Variants in PCDHGB2 observed in about 807,000 individuals in gnomAD.
PCDHGB2 encodes the protein protocadherin gamma subfamily B, 2, also known as protocadherin gamma-B2.
PCDHGB2 carries 55 observed loss-of-function variants against 59.3 expected under a neutral mutation model. That is an observed-to-expected ratio of 0.93 (90% CI 0.75 to 1.16). The LOEUF (loss-of-function observed/expected upper bound fraction) is 1.16. PCDHGB2 is among the 50% of genes most tolerant of loss of function. The pLI is 0.00. For missense variants in PCDHGB2, 1,228 were observed against 1,198.5 expected (o/e 1.02, Z -0.36); for synonymous variants, 516 against 512.0 (o/e 1.01, Z -0.11).
At chr5:141,480,514 C>A (rs1015316945) in intron 1 of PCDHGB2, among the ~76,000 whole-genome samples, 2 of 127,196 alleles carry the variant, frequency 1.6e-5, no homozygotes, top group African/African-American at 7.3e-5. Flanking sequence ...TGAGAACAAC[C>A]AAAAATGACA....
At chr5:141,505,259 C>T in intron 2 of PCDHGB2, 134 bp from the exon 3 acceptor site, 2 of 1,500,262 alleles carry the variant, frequency 1.3e-6, no homozygotes, top group Admixed American at 2.0e-5. Flanking sequence ...GTGCCTCCTA[C>T]CTTGCTGAGA....
In PCDHGB2 at chr5:141,408,237, G is replaced by C. The variant is rs1445060280; in HGVS notation, c.2421+45681G>C. 3.2e-6 allele frequency: 5 copies of C among 1,575,002 alleles called. No individual in the cohort carries two copies. In the South Asian group the frequency reaches 4.6e-5, roughly 14 times the overall value. On this transcript the variant is annotated intron_variant, in intron 1 of 3. Transcript: ENST00000522605. ...AGCTGCGCGCAGAGGCGCCGGGCCG[G>C]CCCGCGGCAGGTGCTATTTCCTTTG...
intron 1 of PCDHGB2, among the ~76,000 whole-genome samples, chr5:141,458,351 T>A (rs903399511): frequency 2.0e-5 from 3 of 152,010 alleles, no homozygotes; most frequent in African/African-American, 7.3e-5. Flanking sequence ...GAGAGTTTAA[T>A]AAGCAAGAAG....
Position 141,486,695 on chromosome 5 carries a change from A to T in PCDHGB2, c.2422-8112A>T. On this transcript the variant is annotated intron_variant, in intron 1 of 3. Coordinates refer to ENST00000522605, the MANE Select transcript of PCDHGB2 (RefSeq NM_018923.3). The surrounding 1 kb of genome is among the most constrained non-coding windows in gnomAD (Gnocchi z 5.0). ...TCGAGATGTATCAGCTTCCTCTTTC[A>T]TCTCTCTGAACCCCCAGACAGGAGC... The T allele has an allele frequency of 6.2e-7, 1 of 1,613,912 alleles. No homozygotes were observed. The highest frequency in any genetic ancestry group is 8.5e-7 in the Non-Finnish European group (1 of 1,179,980).
At position 141,485,833 on chromosome 5, in the gene PCDHGB2, G is replaced by A. The variant is rs780944737; in HGVS notation, c.2422-8974G>A. 64 of 1,613,904 alleles carry A rather than the reference G, an allele frequency of 4.0e-5. No homozygotes were observed. Among genetic ancestry groups the A allele is most frequent in the Non-Finnish European group, 2.5e-6 (3 of 1,180,004 alleles). On this transcript the variant is annotated intron_variant, in intron 1 of 3. Coordinates refer to ENST00000522605, the MANE Select transcript of PCDHGB2 (RefSeq NM_018923.3). This position sits in a 1 kb window ranked among gnomAD's most constrained non-coding sequence, Gnocchi z 5.7. Reference sequence around the variant, plus strand: ...TGACTGCTGTCGATGGAGGGAACCCGCCGAGATCTGGCACCGCAGAGCTCC... The same window carrying A: ...TGACTGCTGTCGATGGAGGGAACCCACCGAGATCTGGCACCGCAGAGCTCC...
At position 141,362,507 on chromosome 5, in the gene PCDHGB2, C is replaced by T. The variant is rs746688845; in HGVS notation, c.2372C>T (p.Thr791Ile). ...GACAATGCCTCTTGGGAACAAAATA[C>T]AAATCATGGAGCCGCTGGGGTCCCT... ...VCDNASWEQN[T>I]NHGAAGVPFA... Residue 791 changes from threonine (T) to isoleucine (I), a missense_variant, in exon 1 of 4, where the codon ACA (threonine) becomes ATA (isoleucine). Transcript: ENST00000522605. 8 of 1,613,994 alleles carry T rather than the reference C, an allele frequency of 5.0e-6. No homozygotes were observed. The highest frequency in any genetic ancestry group is 5.9e-6 in the Non-Finnish European group (7 of 1,179,876).
rs1165828230 is a variant in PCDHGB2, at chr5:141,511,464, C to T, written c.*291C>T. On this transcript the variant is annotated 3_prime_UTR_variant, in exon 4 of 4. Coordinates refer to ENST00000522605, the MANE Select transcript of PCDHGB2 (RefSeq NM_018923.3). ...ACACCAAGAACCATTTGCCACACCCCGTTTAGTTACAGCTGAACTCCTCCA... is the reference window on the plus strand; with the variant it reads ...ACACCAAGAACCATTTGCCACACCCTGTTTAGTTACAGCTGAACTCCTCCA... 9 of 538,254 alleles carry T rather than the reference C, an allele frequency of 1.7e-5. No individual in the cohort carries two copies. The highest frequency in any genetic ancestry group is 7.8e-5 in the East Asian group (2 of 25,720). 33.3% of individuals were successfully genotyped at this position (538,254 alleles called of 1,614,324 possible).
At chr5:141,438,305 G>T (rs1287488865) in intron 1 of PCDHGB2, among the ~76,000 whole-genome samples, 2 of 151,822 alleles carry the variant, frequency 1.3e-5, no homozygotes, top group East Asian at 1.9e-4. Context: ...AAAGAAGTTG[G>T]TACCACCATA....
chr5:141,505,557 A>C (rs2099846692), intron 3 of PCDHGB2, 76 bp downstream of exon 3: 1 of 1,606,080 alleles, frequency 6.2e-7, no homozygotes, highest in Non-Finnish European at 8.5e-7. Flanking sequence ...CACCATGCCC[A>C]CGGACTGGAT....
intron 1 of PCDHGB2, among the ~76,000 whole-genome samples, chr5:141,435,783 G>A (rs1273339025): frequency 6.6e-6 from 1 of 152,124 alleles, no homozygotes; most frequent in Non-Finnish European, 1.5e-5. Context: ...TAAAGGTGCA[G>A]GGAAACATAA....
At chr5:141,439,506 C>G (rs2098117403) in intron 1 of PCDHGB2, among the ~76,000 whole-genome samples, 1 of 152,234 alleles carries the variant, frequency 6.6e-6, no homozygotes, top group Non-Finnish European at 1.5e-5. Flanking sequence ...GTCTTTCTCT[C>G]TGCTCTCAAC....
chr5:141,382,779 C>G (rs1561592016), intron 1 of PCDHGB2: 3 of 834,176 alleles, frequency 3.6e-6, no homozygotes, highest in Non-Finnish European at 5.6e-6. Flanking sequence ...GCACTAAACT[C>G]AAGCCTCTAT....
rs558074504 is a variant in PCDHGB2, at chr5:141,489,065, C to G, written c.2422-5742C>G. On this transcript the variant is annotated intron_variant, in intron 1 of 3. Coordinates refer to ENST00000522605, the MANE Select transcript of PCDHGB2 (RefSeq NM_018923.3). This position sits in a 1 kb window ranked among gnomAD's most constrained non-coding sequence, Gnocchi z 4.5. ...CCACTCAAATTCAGCTCCCCTCCCC[C>G]CTGCCCACCCCCGCCACTCGGTGAC... is the stretch of plus-strand genomic sequence containing the variant. The G allele has an allele frequency of 1.5e-4, 57 of 389,046 alleles. No homozygotes were observed. Among genetic ancestry groups the G allele is most frequent in the African/African-American group, 8.5e-4 (40 of 47,278 alleles). 24.1% of individuals were successfully genotyped at this position (389,046 alleles called of 1,614,324 possible).
intron 1 of PCDHGB2, chr5:141,399,141 C>T (rs778835051): frequency 1.9e-6 from 3 of 1,613,660 alleles, no homozygotes; most frequent in African/African-American, 1.3e-5. Flanking sequence ...ATGAAAATGA[C>T]AATAGCCCAG....
chr5:141,376,293 G>C lies in PCDHGB2; in HGVS notation c.2421+13737G>C, dbSNP rs189836587. 8,405 of 1,614,188 alleles carry C rather than the reference G, an allele frequency of 5.2e-3. 27 individuals carry two copies. Among genetic ancestry groups the C allele is most frequent in the Non-Finnish European group, 6.0e-3 (7,034 of 1,180,042 alleles). On this transcript the variant is annotated intron_variant, in intron 1 of 3. Transcript: ENST00000522605. ...GGAGGTGGCTTAGCGAGCATGCCCG[G>C]CTCGCACTTTGTGGGCGTGGAAGGG...
chr5:141,409,476 C>T (rs1195323775), intron 1 of PCDHGB2: 1 of 1,613,982 alleles, frequency 6.2e-7, no homozygotes, highest in South Asian at 1.1e-5. Context: ...ATCGTAGCCA[C>T]TGACAGGGGC....
intron 1 of PCDHGB2, among the ~76,000 whole-genome samples, chr5:141,482,771 A>ACCTAAAATCTCAAACAC (rs1168136626): frequency 4.9e-5 from 7 of 141,414 alleles, no homozygotes; most frequent in African/African-American, 8.5e-5. Flanking sequence ...ATTATCACTG[A>ACCTAAAATCTCAAACAC]ACCTTAAACT....
intron 2 of PCDHGB2, among the ~76,000 whole-genome samples, chr5:141,501,703 G>A (rs183907124): frequency 6.6e-6 from 1 of 152,088 alleles, no homozygotes; most frequent in Non-Finnish European, 1.5e-5. Flanking sequence ...GTGATTCCGA[G>A]GATAAAAAAG....
At chr5:141,379,974 A>ACTGCAACTTC (rs1471397851) in intron 1 of PCDHGB2, among the ~76,000 whole-genome samples, 23 of 128,142 alleles carry the variant, frequency 1.8e-4, no homozygotes, top group African/African-American at 6.6e-4. Context: ...ATCTCTGCTC[A>ACTGCAACTTC]CTGCAACTTC....
Sources: allele counts gnomAD v4.1 joint callset (sites outside exome capture counted in the v4.1 genomes callset), GRCh38; gene constraint gnomAD v4.1.1; non-coding constraint Gnocchi (gnomAD v3.1); transcripts MANE v1.5; gene names NCBI Gene and HGNC (gene_info 2026-07-23, HGNC 2026-07-21).